Variants in MBOAT1 observed in about 807,000 individuals in gnomAD.
MBOAT1 encodes membrane-bound glycerophospholipid O-acyltransferase 1.
A neutral mutation model predicts 64.4 loss-of-function variants in MBOAT1; 67 were observed. The ratio of observed to expected loss-of-function variants is 1.04; its 90% CI spans 0.85 to 1.27. MBOAT1 has a LOEUF of 1.27. Among genes scored for constraint, MBOAT1 ranks in the 50% most tolerant of loss-of-function variants. The probability of loss-of-function intolerance (pLI) is 0.00; values close to 1 mark genes in which losing one functional copy is unlikely to be tolerated. For synonymous variants in MBOAT1, 229 were observed against 218.9 expected (o/e 1.05, Z -0.41); for missense variants, 563 against 604.6 (o/e 0.93, Z 0.72).
At position 20,131,369 on chromosome 6, in the gene MBOAT1, T is replaced by A. The variant is rs147675755; in HGVS notation, c.420-170A>T. 1.5e-3 allele frequency among the ~76,000 whole-genome samples: 230 copies of A among 152,318 alleles called. 1 individual carries two copies. Among genetic ancestry groups the A allele is most frequent in the South Asian group, 0.014 (67 of 4,824 alleles). ...CATGGGGGCAGTTACCTCCATGCTGTTCTCGTGATAGTGAGTGAGTTCTCA... is the reference window on the plus strand; with the variant it reads ...CATGGGGGCAGTTACCTCCATGCTGATCTCGTGATAGTGAGTGAGTTCTCA... On this transcript the variant is annotated intron_variant, in intron 4 of 12. Coordinates refer to ENST00000324607, the MANE Select transcript of MBOAT1 (RefSeq NM_001080480.3).
At chr6:20,196,571 G>A (rs986085399) in intron 1 of MBOAT1, among the ~76,000 whole-genome samples, 1 of 152,100 alleles carries the variant, frequency 6.6e-6, no homozygotes, top group African/African-American at 2.4e-5. Flanking sequence ...TTAAAAAACA[G>A]TGAACTGCAC....
intron 1 of MBOAT1, among the ~76,000 whole-genome samples, chr6:20,202,010 G>A (rs930275195): frequency 2.0e-5 from 3 of 152,034 alleles, no homozygotes; most frequent in Non-Finnish European, 2.9e-5. Context: ...TAATACTGGG[G>A]CAGGGGGTGG....
intron 1 of MBOAT1, among the ~76,000 whole-genome samples, chr6:20,154,015 T>C (rs552516573): frequency 6.4e-4 from 97 of 152,314 alleles, no homozygotes; most frequent in African/African-American, 2.3e-3. Context: ...AGGCACTTAA[T>C]TGAAAAGAGA....
intron 1 of MBOAT1, among the ~76,000 whole-genome samples, chr6:20,161,281 T>C (rs1458947715): frequency 6.6e-6 from 1 of 151,908 alleles, no homozygotes; most frequent in Admixed American, 6.6e-5. Flanking sequence ...GATGGGACCA[T>C]CTAGTTGCAG....
intron 1 of MBOAT1, among the ~76,000 whole-genome samples, chr6:20,168,537 G>GAAGAGGA (rs1762080604): frequency 7.0e-6 from 1 of 142,994 alleles, no homozygotes; most frequent in Non-Finnish European, 1.5e-5. Flanking sequence ...GAAGAGGAGA[G>GAAGAGGA]GAGAGGAGAG....
At chr6:20,197,968 T>C (rs1763004858) in intron 1 of MBOAT1, among the ~76,000 whole-genome samples, 1 of 152,182 alleles carries the variant, frequency 6.6e-6, no homozygotes, top group East Asian at 1.9e-4. Flanking sequence ...GGCTCACACC[T>C]GTAATCCAGC....
chr6:20,142,572 C>A (rs897555403), intron 4 of MBOAT1, among the ~76,000 whole-genome samples: 1 of 152,148 alleles, frequency 6.6e-6, no homozygotes, highest in African/African-American at 2.4e-5. Flanking sequence ...GCCTCAGCCT[C>A]CTGAGCAGCT....
At chr6:20,135,387 T>C (rs1581413905) in intron 4 of MBOAT1, among the ~76,000 whole-genome samples, 1 of 152,168 alleles carries the variant, frequency 6.6e-6, no homozygotes, top group East Asian at 1.9e-4. Flanking sequence ...CCCCCATTAT[T>C]GCCTTCTGAT....
In MBOAT1 at chr6:20,144,378, T is replaced by C. The variant is rs73384415; in HGVS notation, c.324-63A>G. On this transcript the variant is annotated intron_variant, in intron 3 of 12. Coordinates refer to ENST00000324607, the MANE Select transcript of MBOAT1 (RefSeq NM_001080480.3). The stretch of plus-strand genomic sequence containing the variant: ...TAGCAATAATGCACTCAATTAATGT[T>C]CCCCTCTTCCTCTCTTTCATCCTTC... 3.2e-3 allele frequency: 3,292 copies of C among 1,044,902 alleles called. 68 individuals are homozygous for C. The African/African-American group carries it at 0.044, about 14-fold the overall frequency. 64.7% of individuals were successfully genotyped at this position (1,044,902 alleles called of 1,614,324 possible). A position where few individuals can be genotyped will look rare whatever the true frequency, so the allele number is the denominator to read the frequency against.
chr6:20,184,981 G>A (rs1433218074), intron 1 of MBOAT1, among the ~76,000 whole-genome samples: 1 of 151,670 alleles, frequency 6.6e-6, no homozygotes, highest in Non-Finnish European at 1.5e-5. Context: ...GGCAGGCATA[G>A]TGGCTCACAT....
chr6:20,184,214 C>T (rs1762585668), intron 1 of MBOAT1, among the ~76,000 whole-genome samples: 1 of 152,152 alleles, frequency 6.6e-6, no homozygotes, highest in Non-Finnish European at 1.5e-5. Flanking sequence ...TGCATCAGGC[C>T]CACCCATGAG....
At chr6:20,131,609 G>A (rs1254078796) in intron 4 of MBOAT1, among the ~76,000 whole-genome samples, 8 of 152,136 alleles carry the variant, frequency 5.3e-5, no homozygotes, top group African/African-American at 1.9e-4. Flanking sequence ...AGCAGCATGA[G>A]AACGGACTAA....
intron 8 of MBOAT1, among the ~76,000 whole-genome samples, 189 bp from the exon 9 acceptor site, chr6:20,118,729 C>T (rs1760407663): frequency 6.6e-6 from 1 of 152,170 alleles, no homozygotes; most frequent in African/African-American, 2.4e-5. Flanking sequence ...GTTTGGTAAC[C>T]TTGATTTTTA....
intron 1 of MBOAT1, among the ~76,000 whole-genome samples, chr6:20,202,358 T>A (rs1763146191): frequency 6.6e-6 from 1 of 152,122 alleles, no homozygotes; most frequent in African/African-American, 2.4e-5. Flanking sequence ...TTTCGTTTTG[T>A]TTTGTAAATA....
chr6:20,211,125 G>T (rs918847936), intron 1 of MBOAT1, among the ~76,000 whole-genome samples: 3 of 152,138 alleles, frequency 2.0e-5, no homozygotes, highest in African/African-American at 7.2e-5. Context: ...TATGAGGGTG[G>T]CTCAGTAAAC....
chr6:20,120,154 C>T (rs992659096), intron 8 of MBOAT1, among the ~76,000 whole-genome samples: 1 of 151,962 alleles, frequency 6.6e-6, no homozygotes, highest in Non-Finnish European at 1.5e-5. Flanking sequence ...AGGTTTCTAC[C>T]TCCACTCGGC....
At chr6:20,112,807 C>A in intron 11 of MBOAT1, 69 bp downstream of exon 11, 1 of 1,549,630 alleles carries the variant, frequency 6.5e-7, no homozygotes, top group Non-Finnish European at 8.7e-7. Flanking sequence ...CTACTAGGAC[C>A]CAACAGATAA....
rs1190278550 is a variant in MBOAT1, at chr6:20,109,601, T to C, written c.1358A>G (p.Tyr453Cys). Residue 453 changes from tyrosine to cysteine, a missense_variant, in exon 12 of 13, where the codon TAC (tyrosine) becomes TGC (cysteine). Physicochemically the swap from Tyr to Cys is radical, Grantham distance 194. Coordinates refer to ENST00000324607, the MANE Select transcript of MBOAT1 (RefSeq NM_001080480.3). The stretch of plus-strand genomic sequence containing the variant: ...ACTGAGAACAACGGAAACTTACTTG[T>C]ATAAGCTGATGGTCGGTTCAACTGC... ...MLAVEPTISL[Y>C]KSMYFYLHII... 1.9e-6 allele frequency: 3 copies of C among 1,611,556 alleles called. No individual in the cohort carries two copies. In the East Asian group the frequency reaches 6.7e-5, roughly 36 times the overall value.
At chr6:20,114,174 AG>A (rs1760253678) in intron 10 of MBOAT1, among the ~76,000 whole-genome samples, 1 of 152,232 alleles carries the variant, frequency 6.6e-6, no homozygotes, top group South Asian at 2.1e-4. Flanking sequence ...TTTACTTTGG[AG>A]GAATTACTAC....
Sources: gnomAD v4.1 joint callset for allele counts (sites outside exome capture counted in the v4.1 genomes callset) on GRCh38, gnomAD v4.1.1 for gene constraint, MANE v1.5 for transcripts, NCBI Gene and HGNC (gene_info 2026-07-23, HGNC 2026-07-21) for gene names.